DMD: variants seen among roughly 807,000 people sequenced by gnomAD.
The protein encoded by DMD is mutant dystrophin.
A neutral mutation model predicts 330.1 loss-of-function variants in DMD; 63 were observed. The ratio of observed to expected loss-of-function variants is 0.19; its 90% confidence interval spans 0.16 to 0.24. The LOEUF is 0.24. Among genes scored for constraint, DMD ranks in the 10% least tolerant of loss-of-function variants. The probability of loss-of-function intolerance (pLI) is 1.00; values close to 1 mark genes in which losing one functional copy is unlikely to be tolerated. For missense variants in DMD, 3,344 were observed against 2,684.1 expected, an observed-to-expected ratio of 1.25 and a Z score of -5.43; for synonymous variants, 1,223 against 959.8, an observed-to-expected ratio of 1.27 and a Z score of -5.07.
chrX:33,070,673 CTATATATATATATATATATA>C (rs59422325), intron 1 of DMD, among the ~76,000 whole-genome samples: 2 of 35,640 alleles, frequency 5.6e-5, no homozygotes, highest in South Asian at 2.8e-3. Flanking sequence ...CTCTCTCTCT[CTATATATATATATATATATA>C]TATATATATA....
At chrX:31,758,097 A>T (rs1042328310) in intron 51 of DMD, among the ~76,000 whole-genome samples, 1 of 110,969 alleles carries the variant, frequency 9.0e-6, no homozygotes, top group South Asian at 3.9e-4. Flanking sequence ...TATGCTTCCC[A>T]GTCACCCAAA....
chrX:32,530,718 C>A (rs1448813728), intron 17 of DMD, among the ~76,000 whole-genome samples: 1 of 111,996 alleles, frequency 8.9e-6, no homozygotes, highest in East Asian at 2.8e-4. Context: ...TAAAATGCTG[C>A]TAAGCCACAG....
chrX:32,740,408 A>G lies in DMD; in HGVS notation c.650-41115T>C, dbSNP rs189028719. ...GTGTATCAACAGATTTATGGTATCT[A>G]TGGAAGAGGAAAACATGGGAATCAC... On this transcript the variant is annotated intron_variant, in intron 7 of 78. Coordinates refer to ENST00000357033, the MANE Select transcript of DMD (RefSeq NM_004006.3). Among the ~76,000 whole-genome samples, 579 of 110,752 alleles carry G rather than the reference A, an allele frequency of 5.2e-3. 6 individuals carry two copies. Among genetic ancestry groups the G allele is most frequent in the Non-Finnish European group, 7.7e-3 (407 of 52,954 alleles).
intron 57 of DMD, among the ~76,000 whole-genome samples, chrX:31,481,911 T>A (rs972785757): frequency 3.6e-5 from 4 of 111,418 alleles, no homozygotes; most frequent in African/African-American, 1.3e-4. Flanking sequence ...GAATTAGGAC[T>A]CAGGCCTGTT....
At chrX:33,049,070 G>A (rs900498546) in intron 1 of DMD, among the ~76,000 whole-genome samples, 2 of 111,722 alleles carry the variant, frequency 1.8e-5, no homozygotes, top group African/African-American at 6.5e-5. Context: ...GGCATAACTT[G>A]TGTTCCATGA....
chrX:32,418,576 C>G (rs1487712813), intron 29 of DMD, among the ~76,000 whole-genome samples: 1 of 111,308 alleles, frequency 9.0e-6, no homozygotes, highest in Non-Finnish European at 1.9e-5. Context: ...TGATTGGTAA[C>G]TTTGCTGAAC....
intron 4 of DMD, among the ~76,000 whole-genome samples, chrX:32,842,825 T>G (rs1200437682): frequency 9.3e-6 from 1 of 107,019 alleles, no homozygotes; most frequent in Admixed American, 9.8e-5. Flanking sequence ...TTTTTTTTTT[T>G]GATATGGAAT....
intron 7 of DMD, among the ~76,000 whole-genome samples, chrX:32,757,642 T>C (rs2071673254): frequency 9.0e-6 from 1 of 111,379 alleles, no homozygotes; most frequent in East Asian, 2.8e-4. Context: ...TTTCTCTTCT[T>C]GCCTGTCTCC....
In DMD at chrX:32,346,578, C is replaced by G. The variant is rs181267881; in HGVS notation, c.5449-498G>C. Among the ~76,000 whole-genome samples the G allele has an allele frequency of 3.1e-4, 35 of 111,288 alleles. 1 individual carries two copies. Among genetic ancestry groups the G allele is most frequent in the Admixed American group, 3.1e-3 (32 of 10,381 alleles). On this transcript the variant is annotated intron_variant, in intron 38 of 78. Transcript: ENST00000357033. Reference sequence around the variant, plus strand: ...GTACACTAATTCCTATCTAATAACTCCTGCTTCATTTCTGAAACCTAAATG... The same window carrying G: ...GTACACTAATTCCTATCTAATAACTGCTGCTTCATTTCTGAAACCTAAATG...
In DMD at chrX:32,390,184, G is replaced by A; in HGVS notation, c.4234-3C>T. On this transcript the variant is annotated splice_region_variant and splice_polypyrimidine_tract_variant and intron_variant, in intron 30 of 78. Transcript: ENST00000357033. ...CTTGTCAAATCAGATTGGATTTTCTGTTGGGAGGATAGCATTATTAGTCAG... is the reference window on the plus strand; with the variant it reads ...CTTGTCAAATCAGATTGGATTTTCTATTGGGAGGATAGCATTATTAGTCAG... The A allele has an allele frequency of 8.6e-7, 1 of 1,165,192 alleles. No individual in the cohort carries two copies. The highest frequency in any genetic ancestry group is 1.2e-6 in the Non-Finnish European group (1 of 853,530).
At chrX:32,596,904 C>G (rs1165888773) in intron 12 of DMD, among the ~76,000 whole-genome samples, 2 of 111,229 alleles carry the variant, frequency 1.8e-5, no homozygotes, top group African/African-American at 3.3e-5. Flanking sequence ...AACTACAAAT[C>G]AGATGTCAGT....
chrX:31,373,146 A>C (rs1346290971), intron 60 of DMD, among the ~76,000 whole-genome samples: 82 of 106,809 alleles, frequency 7.7e-4, no homozygotes, highest in African/African-American at 2.1e-3. Context: ...AGAACTACAA[A>C]CCACTGCTCA....
intron 38 of DMD, among the ~76,000 whole-genome samples, 185 bp downstream of exon 38, chrX:32,348,221 T>G (rs2097770327): frequency 9.0e-6 from 1 of 111,430 alleles, no homozygotes; most frequent in South Asian, 3.7e-4. Flanking sequence ...GCTCCTATAT[T>G]ACCATACCAT....
At chrX:31,883,140 A>G (rs1226869252) in intron 47 of DMD, among the ~76,000 whole-genome samples, 2 of 112,236 alleles carry the variant, frequency 1.8e-5, no homozygotes, top group African/African-American at 3.2e-5. Context: ...TAGAAAAACT[A>G]AACTAACTAT....
chrX:32,284,603 C>T (rs2097432597), intron 43 of DMD, among the ~76,000 whole-genome samples: 1 of 111,709 alleles, frequency 9.0e-6, no homozygotes, highest in Non-Finnish European at 1.9e-5. Context: ...TCAGATAATC[C>T]TCATAACAAC....
chrX:31,838,903 C>T (rs1046226456), intron 48 of DMD, among the ~76,000 whole-genome samples: 1 of 111,805 alleles, frequency 8.9e-6, no homozygotes, highest in Non-Finnish European at 1.9e-5. Context: ...GTAACAGCTA[C>T]GTCTTCATAT....
intron 44 of DMD, among the ~76,000 whole-genome samples, chrX:32,010,673 C>T (rs1047572980): frequency 1.8e-5 from 2 of 111,754 alleles, no homozygotes; most frequent in Non-Finnish European, 3.8e-5. Flanking sequence ...AACACTTACT[C>T]GGATATCCTT....
At chrX:32,141,317 T>A (rs1410885873) in intron 44 of DMD, among the ~76,000 whole-genome samples, 1 of 108,371 alleles carries the variant, frequency 9.2e-6, no homozygotes, top group Non-Finnish European at 1.9e-5. Context: ...GCGCCTCTAA[T>A]CCCAGCTGCT....
intron 7 of DMD, among the ~76,000 whole-genome samples, chrX:32,807,293 A>G (rs1050484813): frequency 1.8e-5 from 2 of 110,344 alleles, no homozygotes; most frequent in African/African-American, 6.6e-5. Context: ...CCACAGAAAT[A>G]CAAACTACCA....
Sources: allele counts gnomAD v4.1 joint callset (sites outside exome capture counted in the v4.1 genomes callset), GRCh38; gene constraint gnomAD v4.1.1; transcripts MANE v1.5; gene names NCBI Gene and HGNC (gene_info 2026-07-23, HGNC 2026-07-21).